The following F5 variants were observed in gnomAD, a reference collection of about 807,000 sequenced individuals.
F5 encodes the protein activated protein c cofactor.
F5 carries 138 observed loss-of-function variants against 216.4 expected under a neutral mutation model. That is an observed-to-expected ratio of 0.64 (90% CI 0.56 to 0.73). The LOEUF (loss-of-function observed/expected upper bound fraction) is 0.73. F5 is among the 30% of genes least tolerant of loss of function. F5 has a pLI of 0.00. For synonymous variants in F5, 916 were observed against 930.7 expected, an observed-to-expected ratio of 0.98 and a Z score of 0.29; for missense variants, 2,403 against 2,674.0, an observed-to-expected ratio of 0.90 and a Z score of 2.24.
At chr1:169,522,606 T>C (rs1659335648) in intron 21 of F5, among the ~76,000 whole-genome samples, 1 of 152,162 alleles carries the variant, frequency 6.6e-6, no homozygotes, top group Non-Finnish European at 1.5e-5. Context: ...ATTGGTATAA[T>C]AATGGCAGGC....
At position 169,549,818 on chromosome 1, in the gene F5, C is replaced by T; in HGVS notation, c.1594G>A (p.Asp532Asn). The T allele has an allele frequency of 6.2e-7, 1 of 1,613,702 alleles. No individual in the cohort carries two copies. The highest frequency in any genetic ancestry group is 1.3e-5 in the African/African-American group (1 of 75,018). Residue 532 changes from aspartate to asparagine, a missense_variant, in exon 10 of 25, where the codon GAC becomes AAC. Asp to Asn is a conservative substitution (Grantham distance 23, BLOSUM62 1). This residue lies in a region of F5 where 1,425 missense variants were observed against 1,554.8 expected (regional missense o/e 0.92). Coordinates refer to ENST00000367797, the MANE Select transcript of F5 (RefSeq NM_000130.5). ...LLLICKSRSLDRRGIQRAADI... is the reference protein window; with the variant it reads ...LLLICKSRSLNRRGIQRAADI... ...CAAAATACCTGTATTCCTCGCCTGT[C>T]CAGGGATCTGCTCTTACAGATTAGA...
rs767556078 is a variant in F5 at position 169,524,834 on chromosome 1, T to C, written c.5788+3A>G. 6.2e-6 allele frequency: 10 copies of C among 1,613,264 alleles called. No individual in the cohort carries two copies. Among genetic ancestry groups the C allele is most frequent in the Non-Finnish European group, 8.5e-6 (10 of 1,179,300 alleles). Reference sequence around the variant, plus strand: ...ATTCACAGACCATGGTGCTACAACTTACCCAGAAACTCTGAAGCCTTGATC... The same window carrying C: ...ATTCACAGACCATGGTGCTACAACTCACCCAGAAACTCTGAAGCCTTGATC... On this transcript the variant is annotated splice_donor_region_variant and intron_variant, in intron 19 of 24. Coordinates refer to ENST00000367797, the MANE Select transcript of F5 (RefSeq NM_000130.5).
intron 19 of F5, among the ~76,000 whole-genome samples, chr1:169,524,315 C>G (rs762283692): frequency 6.6e-6 from 1 of 152,090 alleles, no homozygotes; most frequent in African/African-American, 2.4e-5. Context: ...AGTGGAGGTT[C>G]AACAAAGTTT....
chr1:169,566,485 G>A (rs951228752), intron 3 of F5, among the ~76,000 whole-genome samples: 1 of 151,968 alleles, frequency 6.6e-6, no homozygotes, highest in Admixed American at 6.6e-5. Flanking sequence ...ATACCTGTTT[G>A]TTTGTTGTTG....
At chr1:169,529,180 G>A (rs111476386) in intron 16 of F5, among the ~76,000 whole-genome samples, 1 of 152,144 alleles carries the variant, frequency 6.6e-6, no homozygotes, top group African/African-American at 2.4e-5. Context: ...GCTGCTGAGA[G>A]CTAAAACTGT....
At position 169,541,619 on chromosome 1, in the gene F5, A is replaced by C. The variant is rs763138724; in HGVS notation, c.3471T>G (p.Leu1157=). The C allele has an allele frequency of 1.2e-6, 2 of 1,614,126 alleles. No individual in the cohort carries two copies. The highest frequency in any genetic ancestry group is 1.7e-6 in the Non-Finnish European group (2 of 1,179,996). Residue 1157 remains leucine, a synonymous_variant, in exon 13 of 25, where the codon CTT becomes CTG. Transcript: ENST00000367797. The part of the protein sequence containing the change: ...RSSSPELSEM[L]EYDRSHKSFP... ...AGGACTTGTGACTTCGGTCATACTC[A>C]AGCATTTCACTGAGCTCTGGAGAAG...
intron 7 of F5, among the ~76,000 whole-genome samples, chr1:169,554,117 A>G (rs1357305402): frequency 6.6e-6 from 1 of 152,020 alleles, no homozygotes; most frequent in Non-Finnish European, 1.5e-5. Flanking sequence ...CATAATTTTT[A>G]TTACAGTGAA....
At chr1:169,525,791 T>A in intron 18 of F5, 110 bp downstream of exon 18, 1 of 842,180 alleles carries the variant, frequency 1.2e-6, no homozygotes, top group Non-Finnish European at 2.1e-6. Context: ...AAATTATGCC[T>A]TTGTCACATC....
Position 169,566,034 on chromosome 1 carries a change from G to T in F5, c.374-5268C>A, listed in dbSNP as rs148745560. Among the ~76,000 whole-genome samples the T allele has an allele frequency of 4.3e-3, 649 of 152,228 alleles. 3 individuals are homozygous for T. The highest frequency in any genetic ancestry group is 6.8e-3 in the Non-Finnish European group (465 of 67,982). ...CACTAATAAGCAGGAAGCATTATCTGTGAAAGATTACAAAAGAGCTTTGGT... is the reference window on the plus strand; with the variant it reads ...CACTAATAAGCAGGAAGCATTATCTTTGAAAGATTACAAAAGAGCTTTGGT... On this transcript the variant is annotated intron_variant, in intron 3 of 24. Coordinates refer to ENST00000367797, the MANE Select transcript of F5 (RefSeq NM_000130.5).
At chr1:169,536,423 C>T (rs1659705679) in intron 14 of F5, 83 bp downstream of exon 14, 2 of 1,133,394 alleles carry the variant, frequency 1.8e-6, no homozygotes, top group Admixed American at 1.7e-5. Context: ...TCACCTATAG[C>T]TCTCTTGCCA....
chr1:169,574,903 A>G (rs1660808578), intron 2 of F5, among the ~76,000 whole-genome samples: 1 of 152,184 alleles, frequency 6.6e-6, no homozygotes, highest in African/African-American at 2.4e-5. Flanking sequence ...TCAGAATTGC[A>G]ATGGTGCGTA....
At chr1:169,553,442 C>T (rs990050381) in intron 7 of F5, among the ~76,000 whole-genome samples, 4 of 152,232 alleles carry the variant, frequency 2.6e-5, no homozygotes, top group Non-Finnish European at 4.4e-5. Flanking sequence ...GGCGCGGTGG[C>T]TCACGCCTGT....
Position 169,518,404 on chromosome 1 carries a change from T to C in F5, c.6345+8A>G, listed in dbSNP as rs779729300. On this transcript the variant is annotated splice_region_variant and intron_variant, in intron 23 of 24. Transcript: ENST00000367797. ...CTAAGAGAACACCATGCATAGAGTA[T>C]ACTTGACCTTGGCTTGCCAGGCATT... is the stretch of plus-strand genomic sequence containing the variant. The C allele has an allele frequency of 3.1e-6, 5 of 1,613,532 alleles. No individual in the cohort carries two copies. The highest frequency in any genetic ancestry group is 4.2e-6 in the Non-Finnish European group (5 of 1,179,618).
intron 8 of F5, among the ~76,000 whole-genome samples, chr1:169,551,579 GA>G (rs548523697): frequency 4.6e-5 from 7 of 151,994 alleles, no homozygotes; most frequent in Middle Eastern, 3.4e-3. Flanking sequence ...GAGGCATGGA[GA>G]AAAAAAACTG....
chr1:169,520,588 C>T lies in F5; in HGVS notation c.6125G>A (p.Arg2042Lys). 6.2e-7 allele frequency: 1 copy of T among 1,613,834 alleles called. No homozygotes were observed. Among genetic ancestry groups the T allele is most frequent in the Non-Finnish European group, 8.5e-7 (1 of 1,179,896 alleles). ...GTTATAGGCTCGAGTTGGAGAGATC[C>T]TAATATATCTAGCCACAATAGGTGG... ...FDPPIVARYI[R>K]ISPTRAYNRP... Residue 2042 changes from arginine (R) to lysine (K), a missense_variant, in exon 22 of 25, where the codon AGG becomes AAG. By Grantham distance (26) the Arg-to-Lys change is conservative (BLOSUM62 2). Around this residue, in one of 4 missense-constraint regions of F5, gnomAD observed 659 missense variants for 787.9 expected, o/e 0.84. Transcript: ENST00000367797.
chr1:169,568,428 A>G (rs1383770053), intron 3 of F5, among the ~76,000 whole-genome samples: 1 of 152,120 alleles, frequency 6.6e-6, no homozygotes, highest in Non-Finnish European at 1.5e-5. Context: ...GGTTTGTTGT[A>G]TCTTTGATTT....
At position 169,546,517 on chromosome 1, in the gene F5, T is replaced by A; in HGVS notation, c.1687A>T (p.Ile563Phe). 6.2e-7 allele frequency: 1 copy of A among 1,614,202 alleles called. No individual in the cohort carries two copies. The highest frequency in any genetic ancestry group is 8.5e-7 in the Non-Finnish European group (1 of 1,180,020). Residue 563 changes from isoleucine (I) to phenylalanine (F), a missense_variant, in exon 11 of 25, where the codon ATC becomes TTC. Ile to Phe is a conservative substitution (Grantham distance 21). Transcript: ENST00000367797. ...TCAGGATTTTCACAAAACTTGTTGA[T>A]GTTGTCCTCAAGGTACCAGCTTTTG... Reference protein sequence around the residue: ...ENKSWYLEDNINKFCENPDEV... With the variant: ...ENKSWYLEDNFNKFCENPDEV...
chr1:169,573,147 C>T (rs540272140), intron 2 of F5, among the ~76,000 whole-genome samples: 3 of 152,168 alleles, frequency 2.0e-5, no homozygotes, highest in African/African-American at 7.2e-5. Context: ...GACTTTTCAC[C>T]ATGTTGGCCA....
At chr1:169,516,987 T>C (rs1659170040) in intron 23 of F5, among the ~76,000 whole-genome samples, 2 of 152,336 alleles carry the variant, frequency 1.3e-5, no homozygotes, top group Middle Eastern at 3.4e-3. Context: ...GGTTATACCA[T>C]GAACAAGTCT....
Sources: allele counts gnomAD v4.1 joint callset (sites outside exome capture counted in the v4.1 genomes callset), GRCh38; gene constraint gnomAD v4.1.1; regional missense constraint gnomAD v4.1.1; transcripts MANE v1.5; gene names NCBI Gene and HGNC (gene_info 2026-07-23, HGNC 2026-07-21).